Variants in THBS4 observed in about 807,000 individuals in gnomAD.
THBS4 encodes the protein thrombospondin-4.
Under a neutral mutation model 115.7 loss-of-function variants are expected in THBS4, and 90 were observed. The ratio of observed to expected loss-of-function variants is 0.78; its 90% CI spans 0.66 to 0.93. THBS4 has a LOEUF of 0.93. Ranked by LOEUF, THBS4 falls within the 40% of genes least tolerant of loss-of-function variation. The probability of loss-of-function intolerance (pLI) is 0.00; values close to 1 mark genes in which losing one functional copy is unlikely to be tolerated. For missense variants in THBS4, 1,087 were observed against 1,232.7 expected (o/e 0.88, Z 1.77); for synonymous variants, 460 against 479.3 (o/e 0.96, Z 0.53).
intron 15 of THBS4, among the ~76,000 whole-genome samples, chr5:80,073,778 C>G (rs1743043039): frequency 6.6e-6 from 1 of 152,166 alleles, no homozygotes; most frequent in South Asian, 2.1e-4. Flanking sequence ...AGCCCTGCCT[C>G]TGGTCAGAAT....
chr5:80,028,107 C>A (rs1457117401), intron 2 of THBS4, among the ~76,000 whole-genome samples: 2 of 151,142 alleles, frequency 1.3e-5, no homozygotes, highest in African/African-American at 4.9e-5. Context: ...CCCAGCTACA[C>A]AGGAGACTGA....
intron 2 of THBS4, among the ~76,000 whole-genome samples, chr5:80,026,481 G>A (rs1355197588): frequency 6.6e-6 from 1 of 152,150 alleles, no homozygotes; most frequent in Non-Finnish European, 1.5e-5. Flanking sequence ...CTAGAACAGG[G>A]GTCAGTAACC....
chr5:80,008,388 C>T (rs1034766294), intron 2 of THBS4, among the ~76,000 whole-genome samples: 2 of 151,992 alleles, frequency 1.3e-5, no homozygotes, highest in African/African-American at 4.8e-5. Context: ...AAATTTCAAG[C>T]TTAACCGGGC....
At chr5:80,040,789 C>A (rs1264064529) in intron 2 of THBS4, among the ~76,000 whole-genome samples, 2 of 152,182 alleles carry the variant, frequency 1.3e-5, no homozygotes, top group Non-Finnish European at 2.9e-5. Context: ...AGCTCACAGT[C>A]CTGCAGGCTG....
At position 80,060,980 on chromosome 5, in the gene THBS4, C is replaced by T. The variant is rs1242594967; in HGVS notation, c.988-715C>T. Among the ~76,000 whole-genome samples the T allele has an allele frequency of 2.6e-5, 4 of 152,180 alleles. No individual in the cohort carries two copies. The East Asian group carries it at 7.7e-4, about 29-fold the overall frequency. ...CAGGCCCATGGTAATGTTAGTAACA[C>T]TCAGCTGATTACCTTCGCTAGTAGT... is the stretch of plus-strand genomic sequence containing the variant. On this transcript the variant is annotated intron_variant, in intron 7 of 21. Transcript: ENST00000350881.
rs758843846 is a variant in THBS4 at position 80,082,407 on chromosome 5, G to C, written c.2686G>C (p.Val896Leu). The C allele has an allele frequency of 8.1e-6, 13 of 1,614,032 alleles. No individual in the cohort carries two copies. The highest frequency in any genetic ancestry group is 1.3e-5 in the African/African-American group (1 of 74,924). ...CCCCTCCGGCCGTGTTGTCCGCAGG[G>C]TACGATTTTATGAAGGCTCTGAGTT... Reference protein sequence around the residue: ...QHRPQVGYIRVRFYEGSELVA... With the variant: ...QHRPQVGYIRLRFYEGSELVA... The change falls in exon 21 of 22, where the codon GTA becomes CTA. Residue 896 changes from valine to leucine, a missense_variant and splice_region_variant. Val to Leu is a conservative substitution (Grantham distance 32). Around this residue, in one of 3 missense-constraint regions of THBS4, gnomAD observed 103 missense variants for 108.2 expected, o/e 0.95. Coordinates refer to ENST00000350881, the MANE Select transcript of THBS4 (RefSeq NM_003248.6).
intron 2 of THBS4, 27 bp from the exon 3 acceptor site, chr5:80,055,758 C>T (rs1379469105): frequency 6.3e-7 from 1 of 1,598,276 alleles, no homozygotes; most frequent in African/African-American, 1.3e-5. Flanking sequence ...CTTATCACAC[C>T]ATTGGTTGAC....
chr5:80,059,975 A>G, intron 7 of THBS4, 70 bp downstream of exon 7: 1 of 1,487,134 alleles, frequency 6.7e-7, no homozygotes, highest in African/African-American at 1.4e-5. Flanking sequence ...TGGAAAAAGA[A>G]GCCAAGCTGA....
rs751404107 is a variant in THBS4, at chr5:80,058,240, G to T, written c.575G>T (p.Gly192Val). 1 of 1,578,954 alleles carries T rather than the reference G, an allele frequency of 6.3e-7. No homozygotes were observed. The highest frequency in any genetic ancestry group is 2.3e-5 in the East Asian group (1 of 43,414). Residue 192 changes from glycine to valine, a missense_variant, in exon 4 of 22, where the codon GGC becomes GTC. Transcript: ENST00000350881. ...FLEELKLVVR[G>V]SLFQVASLQD... ...GAAGAGCTGAAGCTGGTGGTGAGAG[G>T]CTCACTGTTCCAGGTGGCCAGCCTG...
chr5:80,059,410 A>G lies in THBS4; in HGVS notation c.733-30A>G, dbSNP rs1833547254. ...TGGATGATATCAGGCATTCCTTTTC[A>G]ATCCTTTTTTCCCCTTCTCATTTTT... On this transcript the variant is annotated intron_variant, in intron 5 of 21. Transcript: ENST00000350881. 5 of 1,609,292 alleles carry G rather than the reference A, an allele frequency of 3.1e-6. No individual in the cohort carries two copies. In the East Asian group the frequency reaches 1.1e-4, roughly 36 times the overall value.
At chr5:80,000,674 C>G (rs2151149580) in intron 2 of THBS4, among the ~76,000 whole-genome samples, 1 of 152,248 alleles carries the variant, frequency 6.6e-6, no homozygotes, top group Non-Finnish European at 1.5e-5. Context: ...AACTTTCATT[C>G]AAGGTTAATC....
At chr5:80,060,884 G>A (rs1286574460) in intron 7 of THBS4, among the ~76,000 whole-genome samples, 2 of 152,250 alleles carry the variant, frequency 1.3e-5, no homozygotes, top group East Asian at 1.9e-4. Context: ...GCCCAAGGAA[G>A]GCTGAAAGGA....
chr5:80,079,006 T>C, intron 18 of THBS4, 37 bp downstream of exon 18: 1 of 1,613,634 alleles, frequency 6.2e-7, no homozygotes. Flanking sequence ...CACATAGAAT[T>C]CTTCCAGCTA....
At chr5:80,042,959 C>T (rs1449621747) in intron 2 of THBS4, among the ~76,000 whole-genome samples, 4 of 151,378 alleles carry the variant, frequency 2.6e-5, no homozygotes, top group Non-Finnish European at 4.4e-5. Context: ...GGTGACAGAG[C>T]GAGACTCTGT....
At chr5:79,999,766 G>A (rs1050438181) in intron 2 of THBS4, among the ~76,000 whole-genome samples, 2 of 152,184 alleles carry the variant, frequency 1.3e-5, no homozygotes, top group Non-Finnish European at 2.9e-5. Context: ...CCACAATCAT[G>A]TCAGTTGTGT....
chr5:80,035,519 G>T lies in THBS4; in HGVS notation c.-19G>T. 1.5e-6 allele frequency: 2 copies of T among 1,330,678 alleles called. No homozygotes were observed. The highest frequency in any genetic ancestry group is 1.9e-6 in the Non-Finnish European group (2 of 1,039,684). 82.4% of individuals were successfully genotyped at this position (1,330,678 alleles called of 1,614,324 possible). On this transcript the variant is annotated 5_prime_UTR_variant, in exon 1 of 22. Transcript: ENST00000350881. The surrounding 1 kb of genome is among the most constrained non-coding windows in gnomAD (Gnocchi z 4.6). Reference sequence around the variant, plus strand: ...CGCCGCCGTCGCCCCCGGCCTCGCGGGGAGCAGGAAGAGCCAACATGCTGG... The same window carrying T: ...CGCCGCCGTCGCCCCCGGCCTCGCGTGGAGCAGGAAGAGCCAACATGCTGG...
At chr5:80,024,656 T>A (rs1457074519) in intron 2 of THBS4, among the ~76,000 whole-genome samples, 1 of 152,194 alleles carries the variant, frequency 6.6e-6, no homozygotes, top group Non-Finnish European at 1.5e-5. Context: ...TATATCATGA[T>A]GTAGCATGCT....
At chr5:80,058,935 C>A in intron 5 of THBS4, 145 bp downstream of exon 5, 1 of 721,286 alleles carries the variant, frequency 1.4e-6, no homozygotes, top group Non-Finnish European at 2.3e-6. Context: ...CACGCCAGGG[C>A]TCTGCTGGAA....
At chr5:80,059,656 T>C (rs1173215365) in intron 6 of THBS4, 47 bp from the exon 7 acceptor site, 1 of 1,607,482 alleles carries the variant, frequency 6.2e-7, no homozygotes, top group South Asian at 1.1e-5. Flanking sequence ...GCCTTCTGTA[T>C]ATCTTCCTGG....
Sources: gnomAD v4.1 joint callset for allele counts (sites outside exome capture counted in the v4.1 genomes callset) on GRCh38, gnomAD v4.1.1 for gene constraint, gnomAD v4.1.1 regional missense constraint, Gnocchi (gnomAD v3.1) non-coding constraint, MANE v1.5 for transcripts, NCBI Gene and HGNC (gene_info 2026-07-23, HGNC 2026-07-21) for gene names.